Variants in ERP44 observed in about 807,000 individuals in gnomAD.
ERP44 encodes endoplasmic reticulum protein 44, also known as endoplasmic reticulum resident protein 44.
In ERP44, 25 loss-of-function variants were observed where a neutral mutation model predicts 53.4. The ratio of observed to expected loss-of-function variants is 0.47; its 90% CI spans 0.34 to 0.65. ERP44 has a LOEUF of 0.65. Ranked by LOEUF, ERP44 falls within the 30% of genes least tolerant of loss-of-function variation. The pLI, the probability that ERP44 is intolerant of heterozygous loss-of-function variation, is 0.01. For synonymous variants in ERP44, 145 were observed against 161.2 expected (o/e 0.90, Z 0.76); for missense variants, 338 against 493.2 (o/e 0.69, Z 2.98).
intron 1 of ERP44, among the ~76,000 whole-genome samples, chr9:100,091,819 C>T (rs1408531515): frequency 6.6e-6 from 1 of 152,154 alleles, no homozygotes; most frequent in Non-Finnish European, 1.5e-5. Flanking sequence ...GGTTCTGATT[C>T]AGTAGGTCTG....
intron 1 of ERP44, among the ~76,000 whole-genome samples, chr9:100,094,965 C>A (rs1328436605): frequency 4.2e-5 from 6 of 143,716 alleles, no homozygotes; most frequent in African/African-American, 1.0e-4. Flanking sequence ...GAGCTAGACT[C>A]TGCCTCAAGA....
chr9:100,056,321 T>C (rs1294237882), intron 3 of ERP44, among the ~76,000 whole-genome samples: 1 of 152,226 alleles, frequency 6.6e-6, no homozygotes, highest in Non-Finnish European at 1.5e-5. Context: ...ACATATTTTA[T>C]AAACAGCATT....
rs893054704 is a variant in ERP44 at position 100,098,977 on chromosome 9, G to A, written c.-137C>T. On this transcript the variant is annotated 5_prime_UTR_variant, in exon 1 of 12. Coordinates refer to ENST00000262455, the MANE Select transcript of ERP44 (RefSeq NM_015051.3). ...CCAGGCAGCGGCACCTCGTCCTCTC[G>A]ACCCGGGCTCCAGCGGCGAACACCC... is the stretch of plus-strand genomic sequence containing the variant. 6.0e-6 allele frequency: 4 copies of A among 670,070 alleles called. No individual in the cohort carries two copies. The highest frequency in any genetic ancestry group is 1.0e-5 in the Non-Finnish European group (4 of 382,840). The allele number at this position is 670,070 out of a possible 1,614,324, so 41.5% of individuals were successfully genotyped here. A position where few individuals can be genotyped will look rare whatever the true frequency, so the allele number is the denominator to read the frequency against.
At chr9:100,013,848 G>A (rs1047813457) in intron 8 of ERP44, among the ~76,000 whole-genome samples, 1 of 152,142 alleles carries the variant, frequency 6.6e-6, no homozygotes, top group African/African-American at 2.4e-5. Flanking sequence ...GATAAAGAAT[G>A]TTCATAGCAG....
At chr9:100,008,898 T>C (rs1051453065) in intron 8 of ERP44, among the ~76,000 whole-genome samples, 1 of 152,026 alleles carries the variant, frequency 6.6e-6, no homozygotes, top group African/African-American at 2.4e-5. Flanking sequence ...TGCATGACCA[T>C]GCCCAGCTCA....
intron 10 of ERP44, among the ~76,000 whole-genome samples, chr9:100,003,038 G>T (rs1414723300): frequency 6.6e-6 from 1 of 151,856 alleles, no homozygotes; most frequent in Non-Finnish European, 1.5e-5. Flanking sequence ...GTATGTTCAG[G>T]TTTAAATTCT....
chr9:100,088,598 A>T (rs1251391530), intron 1 of ERP44, among the ~76,000 whole-genome samples: 1 of 152,238 alleles, frequency 6.6e-6, no homozygotes, highest in Non-Finnish European at 1.5e-5. Context: ...CAACAAACTG[A>T]GATCTAAGAA....
intron 10 of ERP44, among the ~76,000 whole-genome samples, chr9:99,994,801 C>T (rs771868709): frequency 1.3e-5 from 2 of 152,082 alleles, no homozygotes; most frequent in African/African-American, 4.8e-5. Flanking sequence ...AATGTGAGTC[C>T]TCCAACTTTG....
At chr9:100,061,597 AATAT>A (rs886496315) in intron 1 of ERP44, among the ~76,000 whole-genome samples, 34 of 147,006 alleles carry the variant, frequency 2.3e-4, no homozygotes, top group African/African-American at 7.9e-4. Flanking sequence ...TATTTATAGA[AATAT>A]ATATATTTAT....
Position 100,087,709 on chromosome 9 carries a change from A to T in ERP44, c.57+11075T>A, listed in dbSNP as rs573222956. The stretch of plus-strand genomic sequence containing the variant: ...TATTTCCAAGTGGTAGAATACATCT[A>T]AGCATGTGGTATCTTTTCTTTCTAT... On this transcript the variant is annotated intron_variant, in intron 1 of 11. Transcript: ENST00000262455. Among the ~76,000 whole-genome samples the T allele has an allele frequency of 5.3e-5, 8 of 152,332 alleles. No homozygotes were observed. In the South Asian group the frequency reaches 1.5e-3, roughly 28 times the overall value.
In ERP44 at chr9:99,979,832, T is replaced by G; in HGVS notation, c.*2780A>C. On this transcript the variant is annotated 3_prime_UTR_variant, in exon 12 of 12. Coordinates refer to ENST00000262455, the MANE Select transcript of ERP44 (RefSeq NM_015051.3). Reference sequence around the variant, plus strand: ...GAACAAGTCTAAATTTGAGACGTGCTTCCACACTATTCTTTCTCAAACTTT... The same window carrying G: ...GAACAAGTCTAAATTTGAGACGTGCGTCCACACTATTCTTTCTCAAACTTT... 1 of 397,098 alleles carries G rather than the reference T, an allele frequency of 2.5e-6. No homozygotes were observed. The highest frequency in any genetic ancestry group is 4.4e-6 in the Non-Finnish European group (1 of 225,434). 24.6% of individuals were successfully genotyped at this position (397,098 alleles called of 1,614,324 possible).
chr9:99,990,404 C>A (rs10988934), intron 10 of ERP44, among the ~76,000 whole-genome samples: 1 of 151,924 alleles, frequency 6.6e-6, no homozygotes, highest in Admixed American at 6.6e-5. Context: ...ATTTCATATC[C>A]AGCCAAACTA....
chr9:100,028,650 A>T (rs1189055621), intron 4 of ERP44, among the ~76,000 whole-genome samples: 1 of 152,268 alleles, frequency 6.6e-6, no homozygotes, highest in Non-Finnish European at 1.5e-5. Context: ...TAACTAGCAG[A>T]GATATATTTC....
chr9:99,993,807 A>G (rs539609691), intron 10 of ERP44, among the ~76,000 whole-genome samples: 1 of 152,324 alleles, frequency 6.6e-6, no homozygotes, highest in African/African-American at 2.4e-5. Context: ...AACTTAAACA[A>G]ATTTACAAGA....
intron 1 of ERP44, among the ~76,000 whole-genome samples, chr9:100,089,194 G>A (rs149383121): frequency 6.6e-6 from 1 of 152,224 alleles, no homozygotes; most frequent in East Asian, 1.9e-4. Context: ...CAACTGTAGT[G>A]GTACTGGAAT....
intron 10 of ERP44, among the ~76,000 whole-genome samples, chr9:99,991,453 G>A (rs1830253428): frequency 6.6e-6 from 1 of 152,160 alleles, no homozygotes; most frequent in Non-Finnish European, 1.5e-5. Context: ...AAATAAAGAT[G>A]TTCTTTGAAG....
At chr9:100,013,330 G>A (rs1415834593) in intron 8 of ERP44, among the ~76,000 whole-genome samples, 2 of 151,736 alleles carry the variant, frequency 1.3e-5, no homozygotes, top group African/African-American at 2.4e-5. Flanking sequence ...AATAATGGAT[G>A]TAATCTGGAC....
chr9:100,016,559 T>G (rs1002477357), intron 7 of ERP44, 121 bp from the exon 8 acceptor site: 1 of 1,349,868 alleles, frequency 7.4e-7, no homozygotes, highest in African/African-American at 1.5e-5. Context: ...TGGAGTACAG[T>G]GACATGATCA....
chr9:99,996,985 A>G lies in ERP44; in HGVS notation c.1016+9521T>C, dbSNP rs28507120. Among the ~76,000 whole-genome samples the G allele has an allele frequency of 4.2e-3, 405 of 95,872 alleles. 3 individuals are homozygous for G. Among genetic ancestry groups the G allele is most frequent in the Non-Finnish European group, 6.6e-3 (310 of 46,732 alleles). 62.9% of individuals were successfully genotyped at this position (95,872 alleles called of 152,430 possible). ...TATGTACACATACACACGTATGTAT[A>G]TGTGTGTGTATATATATATATATAT... On this transcript the variant is annotated intron_variant, in intron 10 of 11. Transcript: ENST00000262455.
Sources: allele counts gnomAD v4.1 joint callset (sites outside exome capture counted in the v4.1 genomes callset), GRCh38; gene constraint gnomAD v4.1.1; transcripts MANE v1.5; gene names NCBI Gene and HGNC (gene_info 2026-07-23, HGNC 2026-07-21).